The following COL5A1 variants were observed in gnomAD, a reference collection of about 807,000 sequenced individuals.
The protein encoded by COL5A1 is collagen type V alpha 1 chain, also known as collagen alpha-1(V) chain.
COL5A1 carries 16 observed loss-of-function variants against 263.7 expected under a neutral mutation model. The ratio of observed to expected loss-of-function variants is 0.06; its 90% CI spans 0.04 to 0.09. The LOEUF (loss-of-function observed/expected upper bound fraction) is 0.09, where lower values mean the gene tolerates loss of function less well. Among genes scored for constraint, COL5A1 ranks in the 10% least tolerant of loss-of-function variants. The pLI, the probability that COL5A1 is intolerant of heterozygous loss-of-function variation, is 1.00. For missense variants in COL5A1, 2,036 were observed against 2,540.5 expected (o/e 0.80, Z 4.27); for synonymous variants, 1,012 against 1,004.5 (o/e 1.01, Z -0.14).
intron 2 of COL5A1, among the ~76,000 whole-genome samples, chr9:134,695,301 C>T (rs2132559210): frequency 6.6e-6 from 1 of 151,964 alleles, no homozygotes. Flanking sequence ...TCTCCTGCAC[C>T]CTGGGGCCTG....
At chr9:134,796,739 G>T in intron 35 of COL5A1, 109 bp from the exon 36 acceptor site, 1 of 1,028,034 alleles carries the variant, frequency 9.7e-7, no homozygotes, top group East Asian at 2.4e-5. Flanking sequence ...CCATGGGGGT[G>T]GGAAGAAATG....
At chr9:134,667,538 G>C (rs1195821511) in intron 1 of COL5A1, among the ~76,000 whole-genome samples, 3 of 152,206 alleles carry the variant, frequency 2.0e-5, no homozygotes, top group African/African-American at 7.2e-5. Context: ...ACTCATAACT[G>C]CACCATCTCC....
intron 4 of COL5A1, among the ~76,000 whole-genome samples, chr9:134,705,596 G>A (rs1215082344): frequency 1.3e-5 from 2 of 152,232 alleles, no homozygotes; most frequent in African/African-American, 4.8e-5. Context: ...GGGCGATAGG[G>A]CCAACGCTGT....
intron 1 of COL5A1, among the ~76,000 whole-genome samples, chr9:134,676,050 A>C (rs1564379978): frequency 6.7e-6 from 1 of 148,584 alleles, no homozygotes; most frequent in Non-Finnish European, 1.5e-5. Flanking sequence ...TTGTTTTGGC[A>C]TTTTTTTTTT....
intron 25 of COL5A1, among the ~76,000 whole-genome samples, chr9:134,771,477 C>G (rs1471533634): frequency 2.6e-5 from 4 of 152,228 alleles, no homozygotes; most frequent in African/African-American, 9.6e-5. Flanking sequence ...CAAAGCCTCC[C>G]TCAAGGGGAA....
Position 134,741,563 on chromosome 9 carries a change from G to A in COL5A1, c.1494+2755G>A, listed in dbSNP as rs1835304391. Among the ~76,000 whole-genome samples, 1 of 152,058 alleles carries A rather than the reference G, an allele frequency of 6.6e-6. No individual in the cohort carries two copies. Among genetic ancestry groups the A allele is most frequent in the African/African-American group, 2.4e-5 (1 of 41,384 alleles). ...TCACTGGGGGCTGGCCTCCCTCTCA[G>A]GTGATAAGGGGCGCTCTCCAAATCC... On this transcript the variant is annotated intron_variant, in intron 11 of 65. Coordinates refer to ENST00000371817, the MANE Select transcript of COL5A1 (RefSeq NM_000093.5). This position sits in a 1 kb window ranked among gnomAD's most constrained non-coding sequence, Gnocchi z 4.5.
intron 27 of COL5A1, among the ~76,000 whole-genome samples, chr9:134,779,188 G>T (rs141841196): frequency 1.3e-5 from 2 of 152,350 alleles, no homozygotes; most frequent in African/African-American, 2.4e-5. Context: ...CAAGTCCCAC[G>T]GGCAGGTGGC....
intron 1 of COL5A1, 68 bp from the exon 2 acceptor site, chr9:134,690,844 G>T (rs912866058): frequency 3.1e-6 from 5 of 1,591,942 alleles, no homozygotes; most frequent in Admixed American, 1.7e-5. Context: ...TGTCATCCCA[G>T]CTTCCGGGTG....
Position 134,842,103 on chromosome 9 carries a change from C to T in COL5A1, c.5371-54C>T. On this transcript the variant is annotated intron_variant, in intron 65 of 65. Transcript: ENST00000371817. This position sits in a 1 kb window ranked among gnomAD's most constrained non-coding sequence, Gnocchi z 5.8. ...AGATTGTGGGGGGTGATTGGTAAACCCCAAGACCCCCAACTGTTCTTAACC... is the reference window on the plus strand; with the variant it reads ...AGATTGTGGGGGGTGATTGGTAAACTCCAAGACCCCCAACTGTTCTTAACC... The T allele has an allele frequency of 1.9e-6, 3 of 1,607,314 alleles. No homozygotes were observed. Among genetic ancestry groups the T allele is most frequent in the Admixed American group, 3.3e-5 (2 of 59,994 alleles).
intron 35 of COL5A1, 101 bp downstream of exon 35, chr9:134,796,519 C>A: frequency 8.1e-7 from 1 of 1,231,780 alleles, no homozygotes; most frequent in Non-Finnish European, 1.2e-6. Context: ...GGAGGCACGC[C>A]TCAGACCCTG....
At position 134,764,080 on chromosome 9, in the gene COL5A1, C is replaced by T. The variant is rs191409098; in HGVS notation, c.2034+343C>T. The stretch of plus-strand genomic sequence containing the variant: ...ATGGGCATTGTGGAGGGTCTGAGGG[C>T]ATCGTGGTGGGGTCCGGGGTCAGTG... On this transcript the variant is annotated intron_variant, in intron 20 of 65. Coordinates refer to ENST00000371817, the MANE Select transcript of COL5A1 (RefSeq NM_000093.5). 7.4e-3 allele frequency among the ~76,000 whole-genome samples: 669 copies of T among 91,016 alleles called. 10 individuals are homozygous for T. Among genetic ancestry groups the T allele is most frequent in the African/African-American group, 0.028 (628 of 22,468 alleles). 59.7% of individuals were successfully genotyped at this position (91,016 alleles called of 152,430 possible).
At chr9:134,712,558 G>C (rs116457685) in intron 4 of COL5A1, among the ~76,000 whole-genome samples, 6,813 of 22,260 alleles carry the variant, frequency 0.31, 1,140 homozygotes, top group Non-Finnish European at 0.33. Context: ...TCCTTCCTGA[G>C]CCCCCTTTCT....
intron 13 of COL5A1, among the ~76,000 whole-genome samples, 156 bp downstream of exon 13, chr9:134,751,038 G>A (rs539906600): frequency 2.0e-5 from 3 of 152,226 alleles, no homozygotes; most frequent in Non-Finnish European, 4.4e-5. Flanking sequence ...CTGTGGGAGC[G>A]TCCAGTCCTC....
At chr9:134,723,963 C>T (rs941337313) in intron 4 of COL5A1, among the ~76,000 whole-genome samples, 2 of 152,176 alleles carry the variant, frequency 1.3e-5, no homozygotes. Context: ...ACACATACCC[C>T]ACTCTCTTCC....
intron 2 of COL5A1, among the ~76,000 whole-genome samples, chr9:134,692,934 G>T (rs758759690): frequency 5.3e-5 from 8 of 152,084 alleles, no homozygotes; most frequent in Non-Finnish European, 8.8e-5. Flanking sequence ...TTAGCTGGAC[G>T]TGGTGGTGCG....
chr9:134,729,230 C>A (rs993350662), intron 6 of COL5A1, among the ~76,000 whole-genome samples: 2 of 152,176 alleles, frequency 1.3e-5, no homozygotes, highest in Non-Finnish European at 2.9e-5. Flanking sequence ...TCGGGTCCTC[C>A]CCGCTCTGGG....
chr9:134,646,030 C>T (rs1327794542), intron 1 of COL5A1, among the ~76,000 whole-genome samples: 1 of 151,900 alleles, frequency 6.6e-6, no homozygotes, highest in East Asian at 1.9e-4. Context: ...TCCCTCCATC[C>T]CTTCTCTTTT....
At chr9:134,752,224 C>T (rs1052763967) in intron 13 of COL5A1, among the ~76,000 whole-genome samples, 3 of 152,168 alleles carry the variant, frequency 2.0e-5, no homozygotes, top group African/African-American at 7.2e-5. Context: ...AAATGTACTC[C>T]CTATGCCCAG....
At position 134,806,095 on chromosome 9, in the gene COL5A1, G is replaced by A. The variant is rs577345099; in HGVS notation, c.3259-94G>A. 1.1e-4 allele frequency: 98 copies of A among 903,720 alleles called. 1 individual carries two copies. The South Asian group carries it at 1.3e-3, about 12-fold the overall frequency. The allele number at this position is 903,720 out of a possible 1,614,324, so 56.0% of individuals were successfully genotyped here. On this transcript the variant is annotated intron_variant, in intron 41 of 65. Transcript: ENST00000371817. ...GGAGCCACTGTGGGCTCTAGAGTGAGCAGGTAAGTGGAGTGATCAGCTGGT... is the reference window on the plus strand; with the variant it reads ...GGAGCCACTGTGGGCTCTAGAGTGAACAGGTAAGTGGAGTGATCAGCTGGT...
Sources: allele counts gnomAD v4.1 joint callset (sites outside exome capture counted in the v4.1 genomes callset), GRCh38; gene constraint gnomAD v4.1.1; non-coding constraint Gnocchi (gnomAD v3.1); transcripts MANE v1.5; gene names NCBI Gene and HGNC (gene_info 2026-07-23, HGNC 2026-07-21).